The following CMTM8 variants were observed in gnomAD, a reference collection of about 807,000 sequenced individuals.
CMTM8 encodes CKLF-like MARVEL transmembrane domain-containing protein 8.
Under a neutral mutation model 18.6 loss-of-function variants are expected in CMTM8, and 12 were observed. That is an observed-to-expected ratio of 0.65 (90% CI 0.41 to 1.05). The LOEUF (loss-of-function observed/expected upper bound fraction) is 1.05, where lower values mean the gene tolerates loss of function less well. CMTM8 is among the 50% of genes least tolerant of loss of function. The pLI is 0.00. For missense variants in CMTM8, 217 were observed against 227.2 expected (o/e 0.95, Z 0.29); for synonymous variants, 87 against 90.6 (o/e 0.96, Z 0.23).
chr3:32,331,070 A>G (rs1696265022), intron 1 of CMTM8, among the ~76,000 whole-genome samples: 2 of 152,228 alleles, frequency 1.3e-5, no homozygotes, highest in African/African-American at 4.8e-5. Flanking sequence ...CATGAATCTG[A>G]TAAGAGGTTA....
chr3:32,329,768 G>A lies in CMTM8; in HGVS notation c.148-27605G>A, dbSNP rs78749651. Among the ~76,000 whole-genome samples, 58 of 152,272 alleles carry A rather than the reference G, an allele frequency of 3.8e-4. 3 individuals carry two copies. The East Asian group carries it at 0.011, about 28-fold the overall frequency. On this transcript the variant is annotated intron_variant, in intron 1 of 3. Transcript: ENST00000307526. ...ATAAGACCAGAAGTCCTATCCAGGC[G>A]AGAAAGAGAAATAAAAGACATCCAA...
intron 1 of CMTM8, among the ~76,000 whole-genome samples, chr3:32,325,312 G>C (rs1345945325): frequency 6.6e-6 from 1 of 152,182 alleles, no homozygotes; most frequent in East Asian, 1.9e-4. Flanking sequence ...CTCAGTTACA[G>C]GGGGGAAAGT....
intron 1 of CMTM8, among the ~76,000 whole-genome samples, chr3:32,335,025 G>A (rs1696359771): frequency 6.6e-6 from 1 of 152,236 alleles, no homozygotes; most frequent in Admixed American, 6.5e-5. Context: ...TGGGGGCTGG[G>A]TCTCTCAGTG....
At chr3:32,360,592 C>T (rs982801713) in intron 2 of CMTM8, among the ~76,000 whole-genome samples, 32 of 152,228 alleles carry the variant, frequency 2.1e-4, no homozygotes, top group Admixed American at 6.5e-4. Flanking sequence ...TCTTACAGAA[C>T]AGCCTGTGGG....
At chr3:32,254,478 T>C (rs1702152618) in intron 1 of CMTM8, among the ~76,000 whole-genome samples, 2 of 152,194 alleles carry the variant, frequency 1.3e-5, no homozygotes, top group South Asian at 4.1e-4. Context: ...CATTTATATT[T>C]ATTGTGATTA....
At chr3:32,266,576 TC>T (rs1702350988) in intron 1 of CMTM8, among the ~76,000 whole-genome samples, 1 of 152,188 alleles carries the variant, frequency 6.6e-6, no homozygotes. Flanking sequence ...CCACTCCTAT[TC>T]AACATAGTGT....
intron 1 of CMTM8, among the ~76,000 whole-genome samples, chr3:32,248,456 A>C (rs1702071329): frequency 6.6e-6 from 1 of 151,624 alleles, no homozygotes; most frequent in African/African-American, 2.4e-5. Context: ...CCGCCTCCCC[A>C]GTTTAAGCGA....
intron 1 of CMTM8, among the ~76,000 whole-genome samples, chr3:32,295,852 A>G (rs1188561789): frequency 1.3e-5 from 2 of 152,140 alleles, no homozygotes; most frequent in Non-Finnish European, 2.9e-5. Context: ...TTGCCTGGAT[A>G]TCTATCCACC....
At chr3:32,257,142 A>G (rs1047713043) in intron 1 of CMTM8, among the ~76,000 whole-genome samples, 1 of 152,150 alleles carries the variant, frequency 6.6e-6, no homozygotes. Flanking sequence ...ATGCCCGGCT[A>G]ATTTGTGTAT....
intron 1 of CMTM8, among the ~76,000 whole-genome samples, chr3:32,295,479 C>CAA (rs58774314): frequency 1.2e-5 from 1 of 82,462 alleles, no homozygotes; most frequent in Non-Finnish European, 2.1e-5. Context: ...AAAAAAAAAA[C>CAA]AAAACAAAAC....
intron 1 of CMTM8, among the ~76,000 whole-genome samples, chr3:32,321,181 G>A (rs9813669): frequency 0.37 from 56,767 of 151,794 alleles, 11,362 homozygotes; most frequent in Non-Finnish European, 0.45. Flanking sequence ...GAAGCGGCGG[G>A]GGGGCCAGCA....
Position 32,267,084 on chromosome 3 carries a change from G to C in CMTM8, c.147+27965G>C, listed in dbSNP as rs1045874752. Reference sequence around the variant, plus strand: ...CAAGCTACCAATGACTTTCTTCACAGAATTGGAAAAAACTACTTTAAAGTT... The same window carrying C: ...CAAGCTACCAATGACTTTCTTCACACAATTGGAAAAAACTACTTTAAAGTT... On this transcript the variant is annotated intron_variant, in intron 1 of 3. Coordinates refer to ENST00000307526, the MANE Select transcript of CMTM8 (RefSeq NM_178868.5). Among the ~76,000 whole-genome samples, 8 of 152,048 alleles carry C rather than the reference G, an allele frequency of 5.3e-5. 1 individual carries two copies. Among genetic ancestry groups the C allele is most frequent in the African/African-American group, 1.2e-4 (5 of 41,402 alleles).
At chr3:32,320,131 G>T (rs1489363459) in intron 1 of CMTM8, among the ~76,000 whole-genome samples, 1 of 152,148 alleles carries the variant, frequency 6.6e-6, no homozygotes, top group African/African-American at 2.4e-5. Context: ...AAGCGTATTT[G>T]GTTTAAGAGA....
intron 1 of CMTM8, among the ~76,000 whole-genome samples, chr3:32,329,448 T>G (rs1400247479): frequency 6.6e-6 from 1 of 152,226 alleles, no homozygotes; most frequent in Non-Finnish European, 1.5e-5. Context: ...GGGATTTATT[T>G]CTGAAATGCA....
chr3:32,260,375 T>C, intron 1 of CMTM8: 5 of 534,696 alleles, frequency 9.4e-6, no homozygotes, highest in Non-Finnish European at 1.7e-5. Context: ...TCATGTGCTT[T>C]AAAATATTTA....
chr3:32,300,452 G>A (rs1462229487), intron 1 of CMTM8, among the ~76,000 whole-genome samples: 1 of 152,138 alleles, frequency 6.6e-6, no homozygotes, highest in Admixed American at 6.6e-5. Context: ...ATCTCCATTG[G>A]GGAAGAGGGA....
At chr3:32,336,842 TTGTC>T (rs779465545) in intron 1 of CMTM8, among the ~76,000 whole-genome samples, 1 of 152,094 alleles carries the variant, frequency 6.6e-6, no homozygotes, top group African/African-American at 2.4e-5. Flanking sequence ...CAGAAGGAAA[TTGTC>T]TGTTTTCTGT....
chr3:32,275,666 T>TTTG (rs144431874), intron 1 of CMTM8, among the ~76,000 whole-genome samples: 25,755 of 94,200 alleles, frequency 0.27, 3,286 homozygotes, highest in South Asian at 0.37. Flanking sequence ...TTTTTTTTTT[T>TTTG]GGGGACAGAG....
At chr3:32,255,027 C>G in intron 1 of CMTM8, among the ~76,000 whole-genome samples, 1 of 152,108 alleles carries the variant, frequency 6.6e-6, no homozygotes, top group East Asian at 1.9e-4. Context: ...TCTTCTTTGA[C>G]TTATTTTTGT....
Sources: gnomAD v4.1 joint callset for allele counts (sites outside exome capture counted in the v4.1 genomes callset) on GRCh38, gnomAD v4.1.1 for gene constraint, MANE v1.5 for transcripts, NCBI Gene and HGNC (gene_info 2026-07-23, HGNC 2026-07-21) for gene names.